The following ACYP2 variants were observed in gnomAD, a reference collection of about 807,000 sequenced individuals.
ACYP2 encodes the protein acylphosphatase-2.
In ACYP2, 12 loss-of-function variants were observed where a neutral mutation model predicts 11.2. The ratio of observed to expected loss-of-function variants is 1.08; its 90% CI spans 0.69 to 1.74. The LOEUF (loss-of-function observed/expected upper bound fraction) is 1.74. Among genes scored for constraint, ACYP2 ranks in the 40% most tolerant of loss-of-function variants. ACYP2 has a pLI of 0.00. For missense variants in ACYP2, 134 were observed against 101.9 expected (o/e 1.31, Z -1.35); for synonymous variants, 43 against 32.2 (o/e 1.33, Z -1.13).
At chr2:54,250,357 C>T (rs888344592) in intron 6 of ACYP2, among the ~76,000 whole-genome samples, 1 of 151,730 alleles carries the variant, frequency 6.6e-6, no homozygotes, top group African/African-American at 2.4e-5. Context: ...CCTGTAATCC[C>T]AGCTACTCAG....
At chr2:54,071,726 T>C (rs76943731) in intron 4 of ACYP2, among the ~76,000 whole-genome samples, 2 of 152,136 alleles carry the variant, frequency 1.3e-5, no homozygotes, top group African/African-American at 4.8e-5. Context: ...AAAAATGACG[T>C]TAGGCCGGGT....
At chr2:54,038,694 T>TTGA (rs1468138735) in intron 2 of ACYP2, among the ~76,000 whole-genome samples, 1 of 42,076 alleles carries the variant, frequency 2.4e-5, no homozygotes, top group Non-Finnish European at 5.4e-5. Context: ...TATATATATA[T>TTGA]ATATATATAT....
chr2:54,103,531 T>C (rs1168782539), intron 4 of ACYP2, among the ~76,000 whole-genome samples: 2 of 152,344 alleles, frequency 1.3e-5, no homozygotes, highest in African/African-American at 2.4e-5. Context: ...AAATTACACA[T>C]AGATCCATGC....
chr2:54,195,569 C>G (rs981959643), intron 6 of ACYP2, among the ~76,000 whole-genome samples: 1 of 151,244 alleles, frequency 6.6e-6, no homozygotes, highest in African/African-American at 2.4e-5. Flanking sequence ...CTCATGGTTG[C>G]CATGTGGCCC....
At chr2:54,188,000 G>C (rs1684080801) in intron 6 of ACYP2, among the ~76,000 whole-genome samples, 1 of 152,184 alleles carries the variant, frequency 6.6e-6, no homozygotes, top group Non-Finnish European at 1.5e-5. Context: ...CCTTCAAGGT[G>C]CTGCCTTAGA....
At chr2:54,138,506 A>T (rs1287313324) in intron 5 of ACYP2, 133 bp from the exon 3 acceptor site, 5 of 604,132 alleles carry the variant, frequency 8.3e-6, no homozygotes, top group Non-Finnish European at 1.2e-5. Flanking sequence ...ACTGTAGGTC[A>T]TCTATACAAT....
At chr2:54,020,315 C>G (rs1292181436) in intron 2 of ACYP2, among the ~76,000 whole-genome samples, 1 of 152,170 alleles carries the variant, frequency 6.6e-6, no homozygotes, top group Non-Finnish European at 1.5e-5. Flanking sequence ...ATTGTTTTCC[C>G]TCTGGGAGAG....
intron 6 of ACYP2, among the ~76,000 whole-genome samples, chr2:54,158,956 G>A (rs554313400): frequency 1.3e-5 from 2 of 151,928 alleles, no homozygotes; most frequent in East Asian, 1.9e-4. Flanking sequence ...TTGGGGCAAG[G>A]GTCAGCTAAC....
chr2:54,095,098 A>C (rs991979179), intron 4 of ACYP2, among the ~76,000 whole-genome samples: 9 of 151,476 alleles, frequency 5.9e-5, no homozygotes, highest in Admixed American at 4.6e-4. Flanking sequence ...CTTAACGAGC[A>C]TGCTGCCTTC....
Position 54,115,432 on chromosome 2 carries a change from G to A in ACYP2, c.278-20021G>A, listed in dbSNP as rs1027241042. The A allele has an allele frequency of 3.8e-5, 29 of 759,588 alleles. No homozygotes were observed. In the South Asian group the frequency reaches 5.0e-4, roughly 13 times the overall value. The allele number at this position is 759,588 out of a possible 1,614,324, so 47.1% of individuals were successfully genotyped here. A position where few individuals can be genotyped will look rare whatever the true frequency, so the allele number is the denominator to read the frequency against. Reference sequence around the variant, plus strand: ...AATGGTAGGGAGCGCTGTGGAGACAGCATCCTCCCCAGTCCGGGAAGAGAG... The same window carrying A: ...AATGGTAGGGAGCGCTGTGGAGACAACATCCTCCCCAGTCCGGGAAGAGAG... On this transcript the variant is annotated intron_variant, in intron 4 of 6. Coordinates refer to ENST00000607452, the MANE Select transcript of ACYP2 (RefSeq NM_001320586.2).
At chr2:54,296,136 A>T (rs979020827) in intron 6 of ACYP2, among the ~76,000 whole-genome samples, 3 of 152,186 alleles carry the variant, frequency 2.0e-5, no homozygotes, top group Non-Finnish European at 1.5e-5. Flanking sequence ...TCACATAAAC[A>T]TAGCAATTAC....
chr2:54,119,546 A>G (rs1012559084), intron 4 of ACYP2, among the ~76,000 whole-genome samples: 7 of 152,218 alleles, frequency 4.6e-5, no homozygotes, highest in African/African-American at 1.7e-4. Flanking sequence ...ATTTGAGTGG[A>G]AACTATTCCC....
At chr2:53,981,409 T>C (rs759982685) in intron 2 of ACYP2, among the ~76,000 whole-genome samples, 5 of 152,184 alleles carry the variant, frequency 3.3e-5, no homozygotes, top group Non-Finnish European at 7.4e-5. Context: ...GTCCACTTGG[T>C]GTACCCCCTA....
intron 2 of ACYP2, among the ~76,000 whole-genome samples, chr2:54,017,294 A>G (rs1236824469): frequency 1.0e-5 from 1 of 97,724 alleles, no homozygotes; most frequent in Non-Finnish European, 2.1e-5. Context: ...TTTTTGAGAC[A>G]GAGTCTCAGT....
At chr2:54,131,301 T>G (rs1201942533) in intron 4 of ACYP2, among the ~76,000 whole-genome samples, 3 of 152,224 alleles carry the variant, frequency 2.0e-5, no homozygotes, top group Non-Finnish European at 4.4e-5. Flanking sequence ...TGATTCCACT[T>G]TAAAAATTTT....
chr2:54,105,361 C>G (rs896696777), intron 4 of ACYP2, among the ~76,000 whole-genome samples: 3 of 152,166 alleles, frequency 2.0e-5, no homozygotes, highest in African/African-American at 7.2e-5. Flanking sequence ...GGATTAAGTT[C>G]TCCCACCTTT....
chr2:54,049,591 G>C lies in ACYP2; in HGVS notation c.63-1367G>C, dbSNP rs184441386. Among the ~76,000 whole-genome samples the C allele has an allele frequency of 2.6e-5, 4 of 152,260 alleles. No homozygotes were observed. The East Asian group carries it at 7.7e-4, about 29-fold the overall frequency. The stretch of plus-strand genomic sequence containing the variant: ...AAGCTGTGCAAGCATGGGCATGGTT[G>C]CAAGTGTCAAATCATTTTCCAAGGC... On this transcript the variant is annotated intron_variant, in intron 2 of 6. Coordinates refer to ENST00000607452, the MANE Select transcript of ACYP2 (RefSeq NM_001320586.2).
chr2:54,224,071 C>T (rs1685905294), intron 6 of ACYP2, among the ~76,000 whole-genome samples: 1 of 152,136 alleles, frequency 6.6e-6, no homozygotes, highest in South Asian at 2.1e-4. Context: ...TACTGTTAGT[C>T]CAGTCTTATT....
At chr2:54,180,965 A>G (rs1191723020) in intron 6 of ACYP2, among the ~76,000 whole-genome samples, 1 of 152,208 alleles carries the variant, frequency 6.6e-6, no homozygotes, top group Non-Finnish European at 1.5e-5. Flanking sequence ...CACATTGGGC[A>G]TTGGATTTCA....
Sources: gnomAD v4.1 joint callset for allele counts (sites outside exome capture counted in the v4.1 genomes callset) on GRCh38, gnomAD v4.1.1 for gene constraint, MANE v1.5 for transcripts, NCBI Gene and HGNC (gene_info 2026-07-23, HGNC 2026-07-21) for gene names.